The following LIN7A variants were observed in gnomAD, a reference collection of about 807,000 sequenced individuals.
The protein encoded by LIN7A is lin-7 cell polarity scaffold A.
LIN7A carries 25 observed loss-of-function variants against 29.8 expected under a neutral mutation model. The observed-to-expected ratio is 0.84, with a 90% CI of 0.61 to 1.17. The LOEUF is 1.17. LIN7A is among the 50% of genes most tolerant of loss of function. LIN7A has a pLI of 0.00. For synonymous variants in LIN7A, 118 were observed against 107.5 expected, an observed-to-expected ratio of 1.10 and a Z score of -0.60; for missense variants, 239 against 287.0, an observed-to-expected ratio of 0.83 and a Z score of 1.21.
intron 2 of LIN7A, among the ~76,000 whole-genome samples, chr12:80,852,713 A>G (rs1240332667): frequency 6.6e-6 from 1 of 152,166 alleles, no homozygotes; most frequent in East Asian, 1.9e-4. Context: ...TCTCTCTTCT[A>G]CTTTTATAGT....
At chr12:80,847,186 C>G (rs187593016) in intron 3 of LIN7A, among the ~76,000 whole-genome samples, 9 of 152,314 alleles carry the variant, frequency 5.9e-5, no homozygotes, top group African/African-American at 1.7e-4. Flanking sequence ...TGTGCTATTG[C>G]AACATTATGC....
At chr12:80,852,810 A>T (rs1873395991) in intron 2 of LIN7A, among the ~76,000 whole-genome samples, 2 of 152,174 alleles carry the variant, frequency 1.3e-5, no homozygotes, top group African/African-American at 4.8e-5. Context: ...CACAATCCCC[A>T]GTTTCAATCC....
chr12:80,885,455 T>A (rs2120618666), intron 2 of LIN7A, among the ~76,000 whole-genome samples: 1 of 152,256 alleles, frequency 6.6e-6, no homozygotes, highest in South Asian at 2.1e-4. Context: ...TGTCAGCCCA[T>A]TTCTCTGCCA....
At chr12:80,883,658 G>A (rs1875183490) in intron 2 of LIN7A, among the ~76,000 whole-genome samples, 2 of 152,280 alleles carry the variant, frequency 1.3e-5, no homozygotes, top group South Asian at 4.1e-4. Context: ...ACCACACACT[G>A]TACTAGGTAG....
chr12:80,877,904 A>G (rs978728559), intron 2 of LIN7A, among the ~76,000 whole-genome samples: 4 of 152,056 alleles, frequency 2.6e-5, no homozygotes, highest in Admixed American at 2.6e-4. Context: ...CGTGGTGCCA[A>G]AAATAGAAGT....
chr12:80,848,032 G>T (rs1190370700), intron 3 of LIN7A: 1 of 653,198 alleles, frequency 1.5e-6, no homozygotes, highest in Non-Finnish European at 2.8e-6. Context: ...TGAGTTTAAT[G>T]AAATCATTCT....
chr12:80,903,688 T>C (rs530630594), intron 1 of LIN7A, among the ~76,000 whole-genome samples: 86 of 152,192 alleles, frequency 5.7e-4, no homozygotes, highest in African/African-American at 2.0e-3. Context: ...TTTTTCCTTT[T>C]TGTAGATAAC....
In LIN7A at chr12:80,794,474, A is replaced by T. The variant is rs764557799; in HGVS notation, c.*3253T>A. 1 of 152,184 alleles carries T rather than the reference A, an allele frequency of 6.6e-6. No homozygotes were observed. The highest frequency in any genetic ancestry group is 2.4e-5 in the African/African-American group (1 of 41,444). 9.4% of individuals were successfully genotyped at this position (152,184 alleles called of 1,614,324 possible). The stretch of plus-strand genomic sequence containing the variant: ...TTAGGCATTATTCACACATCCACAC[A>T]TATCTATAGATGTTTAAAATAATGT... On this transcript the variant is annotated 3_prime_UTR_variant, in exon 6 of 6. Coordinates refer to ENST00000552864, the MANE Select transcript of LIN7A (RefSeq NM_004664.4).
intron 4 of LIN7A, among the ~76,000 whole-genome samples, chr12:80,830,100 C>A (rs911308083): frequency 2.6e-5 from 4 of 152,146 alleles, no homozygotes; most frequent in African/African-American, 9.7e-5. Context: ...GGAGAACATG[C>A]AATTTTTTCT....
chr12:80,893,240 GC>G (rs759188509), intron 1 of LIN7A, among the ~76,000 whole-genome samples: 44 of 152,144 alleles, frequency 2.9e-4, no homozygotes, highest in Admixed American at 2.2e-3. Flanking sequence ...ATTCATAAAA[GC>G]CCACAGATGA....
intron 1 of LIN7A, chr12:80,937,173 C>T (rs114953945): frequency 1.1e-3 from 178 of 155,554 alleles, no homozygotes; most frequent in African/African-American, 4.0e-3. Flanking sequence ...CGACCCTCGC[C>T]CTCCGGCGCC....
At chr12:80,838,396 A>G (rs1464653197) in intron 4 of LIN7A, among the ~76,000 whole-genome samples, 2 of 152,228 alleles carry the variant, frequency 1.3e-5, no homozygotes, top group African/African-American at 2.4e-5. Context: ...TGCTTTTTAA[A>G]TTAAAAGATC....
intron 1 of LIN7A, among the ~76,000 whole-genome samples, chr12:80,928,465 T>C (rs1220127060): frequency 6.6e-6 from 1 of 152,050 alleles, no homozygotes; most frequent in Non-Finnish European, 1.5e-5. Context: ...GTGATGACAT[T>C]CACGTGTCTG....
rs1453493528 is a variant in LIN7A at position 80,899,274 on chromosome 12, A to T, written c.83-9905T>A. On this transcript the variant is annotated intron_variant, in intron 1 of 5. Coordinates refer to ENST00000552864, the MANE Select transcript of LIN7A (RefSeq NM_004664.4). ...TGTTTTTAGTTCTGTTTATGTGGTG[A>T]ATCACATTTATTGATTTGTGTACAT... 5.3e-5 allele frequency among the ~76,000 whole-genome samples: 8 copies of T among 152,262 alleles called. No homozygotes were observed. The South Asian group carries it at 1.7e-3, about 32-fold the overall frequency.
At chr12:80,798,589 A>G (rs1459257194) in intron 5 of LIN7A, among the ~76,000 whole-genome samples, 2 of 152,266 alleles carry the variant, frequency 1.3e-5, no homozygotes, top group South Asian at 2.1e-4. Flanking sequence ...AACTATTATA[A>G]TATCATCATT....
At chr12:80,851,080 C>T (rs1472278716) in intron 2 of LIN7A, among the ~76,000 whole-genome samples, 1 of 152,102 alleles carries the variant, frequency 6.6e-6, no homozygotes, top group African/African-American at 2.4e-5. Flanking sequence ...CCGTATCAGA[C>T]TTTCTTATAT....
intron 4 of LIN7A, among the ~76,000 whole-genome samples, chr12:80,823,459 G>A (rs1871911185): frequency 6.6e-6 from 1 of 152,244 alleles, no homozygotes; most frequent in Non-Finnish European, 1.5e-5. Flanking sequence ...TAGGGAGCCA[G>A]CCCCTGTGCC....
At chr12:80,871,243 C>G (rs541637162) in intron 2 of LIN7A, among the ~76,000 whole-genome samples, 24 of 152,074 alleles carry the variant, frequency 1.6e-4, no homozygotes, top group Non-Finnish European at 3.4e-4. Context: ...AAGACCAAGT[C>G]AAATGTGAGG....
intron 2 of LIN7A, among the ~76,000 whole-genome samples, chr12:80,857,957 A>T (rs961459892): frequency 2.6e-5 from 4 of 152,174 alleles, no homozygotes; most frequent in African/African-American, 2.4e-5. Context: ...TATTCTAGAA[A>T]CACTTAACAG....
Sources: allele counts gnomAD v4.1 joint callset (sites outside exome capture counted in the v4.1 genomes callset), GRCh38; gene constraint gnomAD v4.1.1; transcripts MANE v1.5; gene names NCBI Gene and HGNC (gene_info 2026-07-23, HGNC 2026-07-21).